The following ZFHX3 variants were observed in gnomAD, a reference collection of about 807,000 sequenced individuals.
ZFHX3 encodes zinc finger homeobox protein 3.
A neutral mutation model predicts 279.1 loss-of-function variants in ZFHX3; 42 were observed. That is an observed-to-expected ratio of 0.15 (90% confidence interval 0.12 to 0.19). ZFHX3 has a LOEUF of 0.19. ZFHX3 is among the 10% of genes least tolerant of loss of function. ZFHX3 has a pLI of 1.00. For synonymous variants in ZFHX3, 2,293 were observed against 1,957.8 expected (o/e 1.17, Z -4.52); for missense variants, 4,981 against 4,754.0 (o/e 1.05, Z -1.40).
chr16:72,907,483 G>A (rs1465802061), intron 3 of ZFHX3, among the ~76,000 whole-genome samples: 1 of 148,808 alleles, frequency 6.7e-6, no homozygotes, highest in Non-Finnish European at 1.5e-5. Context: ...CTACTCCCCT[G>A]TACCACCCCT....
At chr16:73,416,412 A>C (rs1340590972) in intron 3 of ZFHX3, among the ~76,000 whole-genome samples, 1 of 152,180 alleles carries the variant, frequency 6.6e-6, no homozygotes, top group African/African-American at 2.4e-5. Flanking sequence ...GCTGATGAAT[A>C]AAGGTAGATG....
At chr16:73,667,679 T>A (rs1324643034) in intron 2 of ZFHX3, among the ~76,000 whole-genome samples, 2 of 152,214 alleles carry the variant, frequency 1.3e-5, no homozygotes, top group Non-Finnish European at 2.9e-5. Flanking sequence ...ACAGGAAGGA[T>A]AACAATCAGT....
At chr16:73,832,219 T>C (rs1597135112) in intron 1 of ZFHX3, among the ~76,000 whole-genome samples, 1 of 151,558 alleles carries the variant, frequency 6.6e-6, no homozygotes, top group East Asian at 1.9e-4. Context: ...TTTTTTTTTC[T>C]TTTGCATTCT....
chr16:73,734,703 A>G (rs1031534314), intron 1 of ZFHX3, among the ~76,000 whole-genome samples: 4 of 152,134 alleles, frequency 2.6e-5, no homozygotes, highest in Non-Finnish European at 4.4e-5. Context: ...AAAATATGAA[A>G]CTATGAAAAA....
At chr16:73,314,846 T>A (rs1035427220) in intron 4 of ZFHX3, among the ~76,000 whole-genome samples, 2 of 152,240 alleles carry the variant, frequency 1.3e-5, no homozygotes, top group African/African-American at 4.8e-5. Flanking sequence ...ACTGAGCACC[T>A]TCCACTTTCC....
intron 1 of ZFHX3, among the ~76,000 whole-genome samples, chr16:73,697,383 C>T (rs1035568191): frequency 6.6e-6 from 1 of 152,180 alleles, no homozygotes; most frequent in East Asian, 1.9e-4. Context: ...AGTTTCAAAA[C>T]ACAGATGCAG....
intron 5 of ZFHX3, among the ~76,000 whole-genome samples, chr16:73,223,581 G>A (rs2012494269): frequency 6.6e-6 from 1 of 152,130 alleles, no homozygotes; most frequent in African/African-American, 2.4e-5. Context: ...TGGAGCAATA[G>A]GAACTCTCAT....
At chr16:73,101,848 T>A (rs1966235484) in intron 7 of ZFHX3, among the ~76,000 whole-genome samples, 1 of 151,724 alleles carries the variant, frequency 6.6e-6, no homozygotes, top group Non-Finnish European at 1.5e-5. Flanking sequence ...ACACCACCCC[T>A]TCCAACATGC....
intron 1 of ZFHX3, among the ~76,000 whole-genome samples, chr16:73,737,800 T>C (rs2053621910): frequency 6.6e-6 from 1 of 152,234 alleles, no homozygotes; most frequent in African/African-American, 2.4e-5. Flanking sequence ...CCTGTGGTTT[T>C]GTTCTTTGGC....
chr16:72,831,836 G>T (rs1315188212), intron 4 of ZFHX3, among the ~76,000 whole-genome samples: 1 of 152,162 alleles, frequency 6.6e-6, no homozygotes, highest in Non-Finnish European at 1.5e-5. Context: ...AATATCTGTA[G>T]TGTTGATACA....
chr16:72,808,630 G>A (rs2036343118), intron 7 of ZFHX3, among the ~76,000 whole-genome samples: 1 of 152,176 alleles, frequency 6.6e-6, no homozygotes, highest in African/African-American at 2.4e-5. Flanking sequence ...ACACTTCTCA[G>A]AAATGTCTAG....
intron 1 of ZFHX3, among the ~76,000 whole-genome samples, chr16:73,822,438 T>A (rs328324): frequency 0.016 from 2,390 of 152,284 alleles, 77 homozygotes; most frequent in African/African-American, 0.053. Flanking sequence ...TACAATTAGT[T>A]ACACAATTGC....
At chr16:73,332,968 C>G (rs1201822815) in intron 3 of ZFHX3, among the ~76,000 whole-genome samples, 3 of 152,114 alleles carry the variant, frequency 2.0e-5, no homozygotes, top group Admixed American at 2.0e-4. Context: ...TTTCTTTCCT[C>G]TTTCCTTCCT....
chr16:73,625,955 T>A (rs1387161216), intron 2 of ZFHX3, among the ~76,000 whole-genome samples: 3 of 152,180 alleles, frequency 2.0e-5, no homozygotes, highest in Non-Finnish European at 4.4e-5. Flanking sequence ...CCTCCCGGGT[T>A]CATGCCATTC....
At chr16:72,880,368 G>A (rs1454154014) in intron 4 of ZFHX3, among the ~76,000 whole-genome samples, 1 of 152,290 alleles carries the variant, frequency 6.6e-6, no homozygotes, top group African/African-American at 2.4e-5. Flanking sequence ...GACTTTTAAG[G>A]AGGTGATTAG....
chr16:73,862,407 G>A (rs746113910), intron 1 of ZFHX3, among the ~76,000 whole-genome samples: 2 of 152,204 alleles, frequency 1.3e-5, no homozygotes, highest in Non-Finnish European at 2.9e-5. Context: ...AAAAATCTAT[G>A]TATGTTAACT....
At chr16:73,347,990 G>T (rs191866212) in intron 3 of ZFHX3, among the ~76,000 whole-genome samples, 2 of 152,316 alleles carry the variant, frequency 1.3e-5, no homozygotes, top group East Asian at 1.9e-4. Context: ...TATCAAGCTT[G>T]TTCCTTAGGC....
chr16:73,613,444 TTG>T (rs1555528278), intron 2 of ZFHX3, among the ~76,000 whole-genome samples: 2 of 151,680 alleles, frequency 1.3e-5, no homozygotes, highest in Admixed American at 6.6e-5. Context: ...TTTGCTTTTT[TTG>T]TTTGTTTGTT....
At chr16:73,002,490 G>A (rs992760800) in intron 1 of ZFHX3, among the ~76,000 whole-genome samples, 4 of 152,152 alleles carry the variant, frequency 2.6e-5, no homozygotes, top group Non-Finnish European at 4.4e-5. Context: ...ATGCTGAGGT[G>A]TGATCTAAGT....
Sources: allele counts gnomAD v4.1 joint callset (sites outside exome capture counted in the v4.1 genomes callset), GRCh38; gene constraint gnomAD v4.1.1; transcripts MANE v1.5; gene names NCBI Gene and HGNC (gene_info 2026-07-23, HGNC 2026-07-21).